Variants in CD200R1L observed in about 807,000 individuals in gnomAD.
The protein encoded by CD200R1L is CD200 receptor 1 like.
A neutral mutation model predicts 24.8 loss-of-function variants in CD200R1L; 14 were observed. The observed-to-expected ratio is 0.56, with a 90% CI of 0.37 to 0.88. CD200R1L has a LOEUF of 0.88. CD200R1L is among the 40% of genes least tolerant of loss of function. CD200R1L has a pLI of 0.00. For synonymous variants in CD200R1L, 111 were observed against 109.2 expected (o/e 1.02, Z -0.11); for missense variants, 299 against 297.8 (o/e 1.00, Z -0.03).
In CD200R1L at chr3:112,845,683, C is replaced by T; in HGVS notation, c.-91G>A. 6.2e-7 allele frequency: 1 copy of T among 1,612,498 alleles called. No homozygotes were observed. The highest frequency in any genetic ancestry group is 2.2e-5 in the East Asian group (1 of 44,828). ...ATGTCACAGTATCAGACTTACCAGA[C>T]ACCATGATAATGATGGAAATCAGTA... On this transcript the variant is annotated 5_prime_UTR_variant, in exon 2 of 8. Transcript: ENST00000488794.
At chr3:112,843,048 C>G (rs1366382111) in intron 2 of CD200R1L, among the ~76,000 whole-genome samples, 3 of 152,176 alleles carry the variant, frequency 2.0e-5, no homozygotes, top group African/African-American at 7.2e-5. Context: ...CTGCCAAGCT[C>G]AGAGGACCAG....
intron 2 of CD200R1L, among the ~76,000 whole-genome samples, chr3:112,842,280 T>C (rs1939100202): frequency 6.6e-6 from 1 of 152,236 alleles, no homozygotes; most frequent in Admixed American, 6.5e-5. Context: ...GCTGGAGCCG[T>C]GGCAGAGGAA....
At chr3:112,845,069 A>C (rs1284929388) in intron 2 of CD200R1L, among the ~76,000 whole-genome samples, 1 of 152,180 alleles carries the variant, frequency 6.6e-6, no homozygotes, top group Non-Finnish European at 1.5e-5. Context: ...AGATCCAAAA[A>C]TCTATACAAA....
rs764457810 is a variant in CD200R1L at position 112,816,094 on chromosome 3, T to A, written c.741-119A>T. ...TAGCTAAGTACATTCCAATAATAAA[T>A]TAAATTGGAGTTATGCTATTAATCA... On this transcript the variant is annotated intron_variant, in intron 7 of 7. Transcript: ENST00000488794. 4.6e-6 allele frequency: 3 copies of A among 653,604 alleles called. No homozygotes were observed. The African/African-American group carries it at 5.5e-5, about 12-fold the overall frequency. The allele number at this position is 653,604 out of a possible 1,614,324, so 40.5% of individuals were successfully genotyped here. A position where few individuals can be genotyped will look rare whatever the true frequency, so the allele number is the denominator to read the frequency against.
chr3:112,829,700 A>G (rs949965826), intron 3 of CD200R1L: 7 of 189,700 alleles, frequency 3.7e-5, no homozygotes, highest in Admixed American at 6.5e-5. Flanking sequence ...AGATGGGTCC[A>G]TGTGGGCATC....
chr3:112,819,643 G>T, intron 7 of CD200R1L, 129 bp downstream of exon 7: 1 of 922,108 alleles, frequency 1.1e-6, no homozygotes, highest in Non-Finnish European at 1.5e-6. Context: ...ATTAAAGAAG[G>T]GGCTGGAGGG....
intron 3 of CD200R1L, 115 bp from the exon 4 acceptor site, chr3:112,829,499 A>C: frequency 7.8e-7 from 1 of 1,287,574 alleles, no homozygotes; most frequent in Non-Finnish European, 1.0e-6. Context: ...CATAACTAAA[A>C]TTATACAAAA....
intron 3 of CD200R1L, among the ~76,000 whole-genome samples, chr3:112,834,798 G>C (rs1938893119): frequency 6.6e-6 from 1 of 152,228 alleles, no homozygotes. Context: ...ACACAGCCAG[G>C]CACACTACCT....
chr3:112,843,243 C>A (rs143267998), intron 2 of CD200R1L, among the ~76,000 whole-genome samples: 20 of 152,208 alleles, frequency 1.3e-4, no homozygotes, highest in Non-Finnish European at 2.1e-4. Context: ...ACAAGATGAC[C>A]ATCTCCAAGA....
intron 3 of CD200R1L, among the ~76,000 whole-genome samples, chr3:112,834,557 G>A (rs549071200): frequency 1.1e-4 from 17 of 152,296 alleles, no homozygotes; most frequent in African/African-American, 4.1e-4. Context: ...TGATCATCAT[G>A]AGACAATAGT....
intron 3 of CD200R1L, among the ~76,000 whole-genome samples, chr3:112,832,132 G>A (rs1456775647): frequency 6.6e-6 from 1 of 152,120 alleles, no homozygotes; most frequent in Admixed American, 6.5e-5. Flanking sequence ...CTATGACCAT[G>A]TGTTTAGGTA....
At chr3:112,833,621 A>T (rs1009269010) in intron 3 of CD200R1L, among the ~76,000 whole-genome samples, 11 of 152,214 alleles carry the variant, frequency 7.2e-5, no homozygotes. Flanking sequence ...AATGGCTACA[A>T]TGGGGCTCAG....
At chr3:112,818,107 C>A (rs988103321) in intron 7 of CD200R1L, among the ~76,000 whole-genome samples, 2 of 152,184 alleles carry the variant, frequency 1.3e-5, no homozygotes, top group African/African-American at 4.8e-5. Flanking sequence ...CTGGGAGATA[C>A]AATTCAAGTT....
intron 7 of CD200R1L, chr3:112,818,690 ACTGCC>A (rs1010004779): frequency 1.3e-5 from 2 of 154,386 alleles, no homozygotes; most frequent in Non-Finnish European, 2.9e-5. Context: ...GTGTATAAAA[ACTGCC>A]CAGCATCATT....
At position 112,838,871 on chromosome 3, in the gene CD200R1L, G is replaced by A. The variant is rs146879587; in HGVS notation, c.-86-861C>T. ...TAAAGAAGATGGGCCTCACTCAATC[G>A]GCTGAAAGGCCTTAAGAGAAAAAGT... is the stretch of plus-strand genomic sequence containing the variant. On this transcript the variant is annotated intron_variant, in intron 2 of 7. Coordinates refer to ENST00000488794, the MANE Select transcript of CD200R1L (RefSeq NM_001199215.3). Among the ~76,000 whole-genome samples the A allele has an allele frequency of 2.6e-4, 39 of 152,102 alleles. No homozygotes were observed. The East Asian group carries it at 4.8e-3, about 19-fold the overall frequency.
chr3:112,816,944 T>C (rs1216742006), intron 7 of CD200R1L, among the ~76,000 whole-genome samples: 1 of 152,134 alleles, frequency 6.6e-6, no homozygotes, highest in Non-Finnish European at 1.5e-5. Flanking sequence ...CTCCTTGCCT[T>C]ACACCATGAT....
chr3:112,826,038 C>T lies in CD200R1L; in HGVS notation c.616+955G>A, dbSNP rs1244677558. On this transcript the variant is annotated intron_variant, in intron 6 of 7. Coordinates refer to ENST00000488794, the MANE Select transcript of CD200R1L (RefSeq NM_001199215.3). ...CAATGGTCACACAAGCATTGAATTGCATGCTTTAAATGGGTGAAATGTATG... is the reference window on the plus strand; with the variant it reads ...CAATGGTCACACAAGCATTGAATTGTATGCTTTAAATGGGTGAAATGTATG... Among the ~76,000 whole-genome samples, 3 of 152,120 alleles carry T rather than the reference C, an allele frequency of 2.0e-5. No homozygotes were observed. In the East Asian group the frequency reaches 5.8e-4, roughly 29 times the overall value.
intron 3 of CD200R1L, among the ~76,000 whole-genome samples, chr3:112,836,282 C>T (rs938815853): frequency 6.6e-6 from 1 of 152,206 alleles, no homozygotes; most frequent in African/African-American, 2.4e-5. Context: ...CTCCCTTCTG[C>T]AGCTGGCAGA....
chr3:112,826,743 A>C (rs937209601), intron 6 of CD200R1L, among the ~76,000 whole-genome samples: 1 of 151,902 alleles, frequency 6.6e-6, no homozygotes, highest in African/African-American at 2.4e-5. Context: ...ACTACATAAA[A>C]CTCTTGATAT....
Sources: gnomAD v4.1 joint callset for allele counts (sites outside exome capture counted in the v4.1 genomes callset) on GRCh38, gnomAD v4.1.1 for gene constraint, MANE v1.5 for transcripts, NCBI Gene and HGNC (gene_info 2026-07-23, HGNC 2026-07-21) for gene names.